The following KLHL32 variants were observed in gnomAD, a reference collection of about 807,000 sequenced individuals.
The protein encoded by KLHL32 is kelch like family member 32, also known as kelch-like protein 32.
Under a neutral mutation model 64.8 loss-of-function variants are expected in KLHL32, and 35 were observed. The observed-to-expected ratio is 0.54, with a 90% CI of 0.41 to 0.72. KLHL32 has a LOEUF of 0.72. Among genes scored for constraint, KLHL32 ranks in the 30% least tolerant of loss-of-function variants. KLHL32 has a pLI of 0.00. For missense variants in KLHL32, 589 were observed against 768.5 expected (o/e 0.77, Z 2.76); for synonymous variants, 259 against 281.0 (o/e 0.92, Z 0.78).
rs1219050617 is a variant in KLHL32 at position 96,973,731 on chromosome 6, T to TC, written c.24-2266_24-2265insC. ...ATTTTTGAGATCTTTACAGATTGCC[T>TC]TTTTTTTTTTAGACAGAGTCTCGCT... is the stretch of plus-strand genomic sequence containing the variant. On this transcript the variant is annotated intron_variant, in intron 2 of 10. Coordinates refer to ENST00000369261, the MANE Select transcript of KLHL32 (RefSeq NM_052904.4). Among the ~76,000 whole-genome samples the TC allele has an allele frequency of 1.7e-4, 8 of 47,114 alleles. 1 individual carries two copies. Among genetic ancestry groups the TC allele is most frequent in the African/African-American group, 7.2e-4 (7 of 9,684 alleles). 30.9% of individuals were successfully genotyped at this position (47,114 alleles called of 152,430 possible). A position where few individuals can be genotyped will look rare whatever the true frequency, so the allele number is the denominator to read the frequency against.
chr6:96,939,362 TAGTC>T (rs1208704372), intron 1 of KLHL32, among the ~76,000 whole-genome samples: 4 of 152,210 alleles, frequency 2.6e-5, no homozygotes, highest in Non-Finnish European at 5.9e-5. Flanking sequence ...GTGAGGAAGA[TAGTC>T]AGGAACTTGT....
chr6:96,960,089 C>A (rs916986380), intron 1 of KLHL32, among the ~76,000 whole-genome samples: 5 of 152,152 alleles, frequency 3.3e-5, no homozygotes, highest in Admixed American at 1.3e-4. Flanking sequence ...CAGATCCATA[C>A]AGAATAGGGG....
At chr6:97,090,472 A>G (rs1411688226) in intron 6 of KLHL32, among the ~76,000 whole-genome samples, 3 of 152,210 alleles carry the variant, frequency 2.0e-5, no homozygotes, top group Non-Finnish European at 4.4e-5. Flanking sequence ...GCCACGTTAC[A>G]GTTTGAATTA....
the KLHL32 span, among the ~76,000 whole-genome samples, chr6:96,908,757 C>T: frequency 6.6e-6 from 1 of 151,884 alleles, no homozygotes; most frequent in African/African-American, 2.4e-5. Flanking sequence ...CTTTACTGCC[C>T]TATCCTCTTG....
chr6:97,001,861 G>A (rs1197083752), intron 3 of KLHL32, among the ~76,000 whole-genome samples: 1 of 152,154 alleles, frequency 6.6e-6, no homozygotes, highest in East Asian at 1.9e-4. Context: ...GGTTGTTGCC[G>A]TTCATCTAGA....
At chr6:97,109,074 A>G (rs1364842914) in intron 6 of KLHL32, among the ~76,000 whole-genome samples, 2 of 152,198 alleles carry the variant, frequency 1.3e-5, no homozygotes, top group African/African-American at 4.8e-5. Context: ...GACCAGTGGC[A>G]TATGCAACAA....
intron 3 of KLHL32, among the ~76,000 whole-genome samples, chr6:97,029,895 G>A (rs144413719): frequency 9.2e-4 from 140 of 152,306 alleles, no homozygotes; most frequent in African/African-American, 3.3e-3. Flanking sequence ...CATGGCCATT[G>A]TAAACATCAT....
chr6:96,978,731 CA>C (rs1775979053), intron 3 of KLHL32, among the ~76,000 whole-genome samples: 1 of 152,206 alleles, frequency 6.6e-6, no homozygotes, highest in South Asian at 2.1e-4. Flanking sequence ...CGGCTTTCCA[CA>C]ATGACTGAAC....
intron 1 of KLHL32, among the ~76,000 whole-genome samples, chr6:96,953,100 T>C (rs1217822445): frequency 6.6e-6 from 1 of 152,218 alleles, no homozygotes; most frequent in African/African-American, 2.4e-5. Flanking sequence ...TTAATTAAAC[T>C]CTTTCTCTAC....
intron 3 of KLHL32, chr6:96,999,492 G>GGA (rs1778783155): frequency 1.1e-6 from 1 of 935,830 alleles, no homozygotes; most frequent in Non-Finnish European, 1.3e-6. Flanking sequence ...GTACTCATCT[G>GGA]TTTTCACCAT....
At chr6:96,908,362 A>C in the KLHL32 span, among the ~76,000 whole-genome samples, 1 of 152,204 alleles carries the variant, frequency 6.6e-6, no homozygotes, top group African/African-American at 2.4e-5. Context: ...ATAAACGTAT[A>C]CTTGTAATGA....
intron 1 of KLHL32, among the ~76,000 whole-genome samples, chr6:96,929,246 A>G (rs907864862): frequency 1.3e-5 from 2 of 152,178 alleles, no homozygotes; most frequent in African/African-American, 4.8e-5. Context: ...GAGGGATTTT[A>G]ATTCCTATCA....
At chr6:97,058,437 C>T (rs1788359073) in intron 4 of KLHL32, among the ~76,000 whole-genome samples, 2 of 152,096 alleles carry the variant, frequency 1.3e-5, no homozygotes, top group South Asian at 4.2e-4. Flanking sequence ...TTGTAGTTTT[C>T]CTCATATATA....
intron 2 of KLHL32, among the ~76,000 whole-genome samples, chr6:96,970,312 C>G (rs1325733204): frequency 6.6e-6 from 1 of 152,184 alleles, no homozygotes; most frequent in African/African-American, 2.4e-5. Flanking sequence ...GGGCTCAGGC[C>G]TCTGCTGCTC....
chr6:97,054,105 C>A (rs1450945511), intron 4 of KLHL32, among the ~76,000 whole-genome samples: 2 of 151,982 alleles, frequency 1.3e-5, no homozygotes, highest in Non-Finnish European at 2.9e-5. Flanking sequence ...AAGAAAGCAA[C>A]ATGATAGCAA....
intron 1 of KLHL32, among the ~76,000 whole-genome samples, chr6:96,948,884 A>AT (rs1772234406): frequency 6.6e-6 from 1 of 152,212 alleles, no homozygotes; most frequent in Non-Finnish European, 1.5e-5. Flanking sequence ...TTTCTGACTC[A>AT]TGCGAAAAAG....
intron 1 of KLHL32, among the ~76,000 whole-genome samples, chr6:96,945,691 C>G (rs1230291604): frequency 1.3e-5 from 2 of 152,158 alleles, no homozygotes; most frequent in Non-Finnish European, 2.9e-5. Flanking sequence ...AAATTTTGGT[C>G]ATTGTAGGAA....
At chr6:96,995,000 G>T (rs895576847) in intron 3 of KLHL32, among the ~76,000 whole-genome samples, 1 of 152,184 alleles carries the variant, frequency 6.6e-6, no homozygotes, top group Non-Finnish European at 1.5e-5. Flanking sequence ...ATAAATGTTT[G>T]TGGGGTTACT....
At chr6:96,943,693 A>G (rs1315026755) in intron 1 of KLHL32, among the ~76,000 whole-genome samples, 1 of 152,242 alleles carries the variant, frequency 6.6e-6, no homozygotes, top group East Asian at 1.9e-4. Context: ...TGCCTCGCAC[A>G]AACACATTTC....
Sources: gnomAD v4.1 joint callset for allele counts (sites outside exome capture counted in the v4.1 genomes callset) on GRCh38, gnomAD v4.1.1 for gene constraint, MANE v1.5 for transcripts, NCBI Gene and HGNC (gene_info 2026-07-23, HGNC 2026-07-21) for gene names.